CYP3A43: variants seen among roughly 807,000 people sequenced by gnomAD.
CYP3A43 encodes the protein cytochrome P450 family 3 subfamily A member 43, also known as cytochrome P450 3A43.
Under a neutral mutation model 58.0 loss-of-function variants are expected in CYP3A43, and 45 were observed. That is an observed-to-expected ratio of 0.78 (90% confidence interval 0.61 to 0.99). The LOEUF (loss-of-function observed/expected upper bound fraction) is 0.99, where lower values mean the gene tolerates loss of function less well. Ranked by LOEUF, CYP3A43 falls within the 50% of genes least tolerant of loss-of-function variation. CYP3A43 has a pLI of 0.00. For synonymous variants in CYP3A43, 191 were observed against 201.4 expected (o/e 0.95, Z 0.44); for missense variants, 593 against 591.9 (o/e 1.00, Z -0.02).
At chr7:99,840,613 C>T (rs750883206) in intron 3 of CYP3A43, among the ~76,000 whole-genome samples, 2 of 152,166 alleles carry the variant, frequency 1.3e-5, no homozygotes, top group Non-Finnish European at 2.9e-5. Context: ...AATCATTTGC[C>T]ACACTGCCTA....
At chr7:99,862,822 G>A (rs17161981) in intron 11 of CYP3A43, among the ~76,000 whole-genome samples, 9,053 of 152,210 alleles carry the variant, frequency 0.059, 853 homozygotes, top group African/African-American at 0.2. Context: ...GGAAGAGCAA[G>A]TCAGAATTGA....
intron 1 of CYP3A43, among the ~76,000 whole-genome samples, chr7:99,832,961 C>T (rs1481453768): frequency 2.0e-5 from 3 of 152,158 alleles, no homozygotes; most frequent in Middle Eastern, 3.4e-3. Context: ...AGAGAATTTC[C>T]AAATCAGGAA....
At chr7:99,840,330 A>G (rs1439863460) in intron 3 of CYP3A43, among the ~76,000 whole-genome samples, 1 of 152,174 alleles carries the variant, frequency 6.6e-6, no homozygotes, top group Non-Finnish European at 1.5e-5. Context: ...CAGCCCTGTC[A>G]TTGAGTTCTG....
At chr7:99,847,187 A>G (rs564954727) in intron 4 of CYP3A43, among the ~76,000 whole-genome samples, 1 of 152,156 alleles carries the variant, frequency 6.6e-6, no homozygotes, top group African/African-American at 2.4e-5. Context: ...TCTTGTTCCC[A>G]TCTATTCTAC....
intron 12 of CYP3A43, 114 bp from the exon 13 acceptor site, chr7:99,865,792 A>C: frequency 4.9e-6 from 3 of 618,508 alleles, no homozygotes; most frequent in Non-Finnish European, 8.0e-6. Context: ...TGCTGAAAGT[A>C]GTTTTTTTTT....
Position 99,848,178 on chromosome 7 carries a change from A to G in CYP3A43, c.445A>G (p.Ile149Val), listed in dbSNP as rs1817611567. 1 of 1,614,068 alleles carries G rather than the reference A, an allele frequency of 6.2e-7. No homozygotes were observed. The highest frequency in any genetic ancestry group is 1.3e-5 in the African/African-American group (1 of 74,938). Residue 149 changes from isoleucine to valine, a missense_variant, in exon 6 of 13, where the codon ATT becomes GTT. Ile to Val is a conservative substitution (Grantham distance 29). Transcript: ENST00000354829. ...SVKFKEMVPIISQCGDMLVRS... is the reference protein window; with the variant it reads ...SVKFKEMVPIVSQCGDMLVRS... ...TGTTGTGTTTTAGATGGTCCCCATC[A>G]TTTCCCAATGTGGAGATATGTTGGT...
chr7:99,832,055 A>G (rs1816863512), intron 1 of CYP3A43, among the ~76,000 whole-genome samples: 1 of 152,150 alleles, frequency 6.6e-6, no homozygotes, highest in South Asian at 2.1e-4. Context: ...GAACACTATG[A>G]TTCTTCCAGA....
intron 7 of CYP3A43, among the ~76,000 whole-genome samples, chr7:99,853,164 GA>G: frequency 6.6e-6 from 1 of 152,262 alleles, no homozygotes; most frequent in Middle Eastern, 3.4e-3. Flanking sequence ...AGTGTTTGTA[GA>G]ATGGATATTA....
chr7:99,837,149 C>CAAA (rs59738486), intron 2 of CYP3A43, among the ~76,000 whole-genome samples: 102 of 80,612 alleles, frequency 1.3e-3, no homozygotes, highest in African/African-American at 3.2e-3. Flanking sequence ...ACTAAAAATA[C>CAAA]AAAAAAAAAA....
At chr7:99,837,234 G>A (rs800674) in intron 2 of CYP3A43, among the ~76,000 whole-genome samples, 21,864 of 148,618 alleles carry the variant, frequency 0.15, 2,923 homozygotes, top group African/African-American at 0.36. Flanking sequence ...CAGGAGAATG[G>A]CGTGAACCCG....
chr7:99,855,299 C>T (rs1817928776), intron 7 of CYP3A43, among the ~76,000 whole-genome samples: 1 of 152,182 alleles, frequency 6.6e-6, no homozygotes, highest in South Asian at 2.1e-4. Context: ...TAGATAAAGG[C>T]TAAGAAGTCA....
chr7:99,856,583 G>A (rs1385100980), intron 8 of CYP3A43, among the ~76,000 whole-genome samples: 1 of 152,224 alleles, frequency 6.6e-6, no homozygotes, highest in Admixed American at 6.5e-5. Flanking sequence ...GAGAAGCTGA[G>A]GATCAGGGAG....
chr7:99,859,783 G>T (rs1055582740), intron 9 of CYP3A43, 47 bp from the exon 10 acceptor site: 2 of 1,611,496 alleles, frequency 1.2e-6, no homozygotes, highest in Non-Finnish European at 1.7e-6. Flanking sequence ...AAACTGTGAT[G>T]CTCTACACTA....
At chr7:99,856,330 G>A (rs1226718025) in intron 8 of CYP3A43, among the ~76,000 whole-genome samples, 1 of 152,194 alleles carries the variant, frequency 6.6e-6, no homozygotes, top group Non-Finnish European at 1.5e-5. Flanking sequence ...AGTCAGGAAT[G>A]CAGGACTGGG....
intron 4 of CYP3A43, among the ~76,000 whole-genome samples, chr7:99,846,236 T>A (rs772166662): frequency 3.3e-5 from 5 of 152,222 alleles, no homozygotes; most frequent in Admixed American, 6.5e-5. Context: ...AGTATCCCTC[T>A]CCATTTCTTT....
intron 3 of CYP3A43, among the ~76,000 whole-genome samples, chr7:99,840,585 G>A (rs945689519): frequency 6.6e-6 from 1 of 152,214 alleles, no homozygotes; most frequent in African/African-American, 2.4e-5. Context: ...AGAGCTAATT[G>A]GTGCCTTACA....
At position 99,858,558 on chromosome 7, in the gene CYP3A43, C is replaced by A. The variant is rs376558140; in HGVS notation, c.866-1272C>A. Among the ~76,000 whole-genome samples, 23 of 152,106 alleles carry A rather than the reference C, an allele frequency of 1.5e-4. No individual in the cohort carries two copies. The South Asian group carries it at 3.1e-3, about 21-fold the overall frequency. ...GGCATGTACTAAGGAAGATGCTATTCGGGCCAGGATGGAATAGGCACTATG... is the reference window on the plus strand; with the variant it reads ...GGCATGTACTAAGGAAGATGCTATTAGGGCCAGGATGGAATAGGCACTATG... On this transcript the variant is annotated intron_variant, in intron 9 of 12. Transcript: ENST00000354829.
At chr7:99,832,975 A>G (rs553589394) in intron 1 of CYP3A43, among the ~76,000 whole-genome samples, 1 of 152,242 alleles carries the variant, frequency 6.6e-6, no homozygotes, top group Admixed American at 6.5e-5. Flanking sequence ...TCAGGAAAGA[A>G]TCAATTAACT....
In CYP3A43 at chr7:99,855,412, G is replaced by C. The variant is rs182877658; in HGVS notation, c.671-179G>C. 1.1e-4 allele frequency: 81 copies of C among 712,566 alleles called. No homozygotes were observed. The African/African-American group carries it at 1.3e-3, about 12-fold the overall frequency. 44.1% of individuals were successfully genotyped at this position (712,566 alleles called of 1,614,324 possible). On this transcript the variant is annotated intron_variant, in intron 7 of 12. Coordinates refer to ENST00000354829, the MANE Select transcript of CYP3A43 (RefSeq NM_057095.3). ...CTATGTGTGGATCTGCTCTTGCTCA[G>C]CCATTGGCATGGAAGAGGGGCAAAG...
Sources: gnomAD v4.1 joint callset for allele counts (sites outside exome capture counted in the v4.1 genomes callset) on GRCh38, gnomAD v4.1.1 for gene constraint, MANE v1.5 for transcripts, NCBI Gene and HGNC (gene_info 2026-07-23, HGNC 2026-07-21) for gene names.